DENND6A: variants seen among roughly 807,000 people sequenced by gnomAD.
DENND6A encodes the protein protein DENND6A.
DENND6A carries 43 observed loss-of-function variants against 95.5 expected under a neutral mutation model. The observed-to-expected ratio is 0.45, with a 90% CI of 0.35 to 0.58. The LOEUF is 0.58. DENND6A is among the 20% of genes least tolerant of loss of function. The probability of loss-of-function intolerance (pLI) is 0.00; values close to 1 mark genes in which losing one functional copy is unlikely to be tolerated. For synonymous variants in DENND6A, 257 were observed against 260.4 expected (o/e 0.99, Z 0.13); for missense variants, 574 against 736.0 (o/e 0.78, Z 2.55).
intron 7 of DENND6A, 59 bp downstream of exon 7, chr3:57,660,701 C>A: frequency 1.4e-6 from 2 of 1,470,764 alleles, no homozygotes; most frequent in South Asian, 2.6e-5. Context: ...GCACAAGACC[C>A]TGTCTCAAAA....
chr3:57,661,725 C>A (rs1365939687), intron 5 of DENND6A, among the ~76,000 whole-genome samples, 174 bp from the exon 6 acceptor site: 1 of 152,110 alleles, frequency 6.6e-6, no homozygotes, highest in Non-Finnish European at 1.5e-5. Context: ...AAAAGTTTAA[C>A]CTTATTGCTA....
At chr3:57,630,295 C>G in intron 18 of DENND6A, 126 bp downstream of exon 18, 1 of 771,134 alleles carries the variant, frequency 1.3e-6, no homozygotes, top group Non-Finnish European at 2.0e-6. Flanking sequence ...AGCACATGAT[C>G]TAGAAAAGTT....
At chr3:57,650,605 A>G (rs1482883480) in intron 9 of DENND6A, among the ~76,000 whole-genome samples, 1 of 152,130 alleles carries the variant, frequency 6.6e-6, no homozygotes, top group Non-Finnish European at 1.5e-5. Context: ...GGCTGGTTCT[A>G]GGGCTTGGGA....
chr3:57,638,639 A>C (rs2070854370), intron 12 of DENND6A, among the ~76,000 whole-genome samples: 1 of 152,090 alleles, frequency 6.6e-6, no homozygotes, highest in South Asian at 2.1e-4. Context: ...GCCAGGCAAC[A>C]GGGTGAGACT....
At position 57,633,262 on chromosome 3, in the gene DENND6A, T is replaced by C; in HGVS notation, c.1353+3A>G. ...TTATGCAAAAATTTATTTATTAACT[T>C]ACTAATGGAATGATGAAACTTTGTG... On this transcript the variant is annotated splice_donor_region_variant and intron_variant, in intron 15 of 19. Transcript: ENST00000311128. The C allele has an allele frequency of 6.2e-7, 1 of 1,608,520 alleles. No individual in the cohort carries two copies. Among genetic ancestry groups the C allele is most frequent in the South Asian group, 1.1e-5 (1 of 90,708 alleles).
At chr3:57,663,867 T>C (rs1232717741) in intron 4 of DENND6A, 151 bp from the exon 5 acceptor site, 2 of 420,914 alleles carry the variant, frequency 4.8e-6, no homozygotes, top group Admixed American at 4.4e-5. Flanking sequence ...CTAGTTACGC[T>C]TTTCCAGCAA....
chr3:57,681,226 G>T (rs904778608), intron 1 of DENND6A, among the ~76,000 whole-genome samples: 30 of 152,222 alleles, frequency 2.0e-4, no homozygotes, highest in Non-Finnish European at 8.8e-5. Flanking sequence ...AGCACTTTGG[G>T]AGGCTAAGGC....
intron 14 of DENND6A, among the ~76,000 whole-genome samples, chr3:57,634,355 C>A (rs2070747437): frequency 6.6e-6 from 1 of 150,844 alleles, no homozygotes; most frequent in African/African-American, 2.4e-5. Flanking sequence ...ATCACTTGAA[C>A]CCGGGAGGTG....
rs566736251 is a variant in DENND6A, at chr3:57,662,599, A to G, written c.513+1037T>C. Among the ~76,000 whole-genome samples the G allele has an allele frequency of 3.9e-5, 6 of 152,246 alleles. No individual in the cohort carries two copies. In the South Asian group the frequency reaches 1.2e-3, roughly 32 times the overall value. On this transcript the variant is annotated intron_variant, in intron 5 of 19. Transcript: ENST00000311128. Reference sequence around the variant, plus strand: ...GTTTATTTACTGGCTCTTAAAAAAAATATAATAGTTCAGGCGTTTATTAGT... The same window carrying G: ...GTTTATTTACTGGCTCTTAAAAAAAGTATAATAGTTCAGGCGTTTATTAGT...
At chr3:57,634,434 CA>C (rs60799417) in intron 14 of DENND6A, 123 bp downstream of exon 14, 154,344 of 280,332 alleles carry the variant, frequency 0.55, 29,269 homozygotes, top group Admixed American at 0.7. Context: ...CTCTGTCTCC[CA>C]AAAAAAAAAA....
chr3:57,686,419 C>CT (rs2077212315), intron 1 of DENND6A, among the ~76,000 whole-genome samples: 2 of 152,174 alleles, frequency 1.3e-5, no homozygotes, highest in African/African-American at 4.8e-5. Flanking sequence ...ATTCTTCCTT[C>CT]TCCTTTTATT....
intron 9 of DENND6A, among the ~76,000 whole-genome samples, chr3:57,649,337 C>T (rs1575832092): frequency 6.6e-6 from 1 of 151,884 alleles, no homozygotes; most frequent in East Asian, 1.9e-4. Flanking sequence ...TAGCCATAAT[C>T]AAAAAATCAA....
Position 57,644,429 on chromosome 3 carries a change from A to T in DENND6A, c.1037+1232T>A, listed in dbSNP as rs180831217. On this transcript the variant is annotated intron_variant, in intron 11 of 19. Transcript: ENST00000311128. The stretch of plus-strand genomic sequence containing the variant: ...CAAGCCATCCTCCCACCTCAGCCTC[A>T]TGAGTAGCTGGGACTACAGATGCAT... 8.6e-3 allele frequency among the ~76,000 whole-genome samples: 1,304 copies of T among 151,498 alleles called. 12 individuals carry two copies. The highest frequency in any genetic ancestry group is 0.05 in the South Asian group (242 of 4,800).
chr3:57,667,952 G>A (rs1372500537), intron 3 of DENND6A, among the ~76,000 whole-genome samples: 1 of 151,962 alleles, frequency 6.6e-6, no homozygotes, highest in Non-Finnish European at 1.5e-5. Context: ...TGTAATCCCA[G>A]CTACTCAGGA....
intron 1 of DENND6A, among the ~76,000 whole-genome samples, chr3:57,691,569 C>T (rs1021322223): frequency 2.7e-5 from 4 of 147,506 alleles, no homozygotes; most frequent in South Asian, 2.1e-4. Context: ...AGGCCGAATA[C>T]GAAAGCAGTA....
At chr3:57,634,511 A>G in intron 14 of DENND6A, 47 bp downstream of exon 14, 8 of 1,092,764 alleles carry the variant, frequency 7.3e-6, no homozygotes, top group Non-Finnish European at 1.0e-5. Context: ...TGGATATTAC[A>G]TACCTGAACA....
Position 57,692,867 on chromosome 3 carries a change from C to G in DENND6A, c.152G>C (p.Gly51Ala), listed in dbSNP as rs2077283701. The change falls in exon 1 of 20, where the codon GGC (glycine) becomes GCC (alanine). Residue 51 changes from glycine to alanine, a missense_variant. Physicochemically the swap from Gly to Ala is moderately conservative, Grantham distance 60. Around this residue, in one of 2 missense-constraint regions of DENND6A, gnomAD observed 122 missense variants for 105.1 expected, o/e 1.16. Transcript: ENST00000311128. ...GGAGAAGCTGTCCCAGCGCAGCAGG[C>G]CCCGGCCACGGCCATCGTCCTCTTC... ...DDEEDDGRGRGLLRWDSFSAW... is the reference protein window; with the variant it reads ...DDEEDDGRGRALLRWDSFSAW... 1.9e-6 allele frequency: 3 copies of G among 1,586,316 alleles called. No homozygotes were observed. The highest frequency in any genetic ancestry group is 2.6e-6 in the Non-Finnish European group (3 of 1,170,158).
Position 57,692,770 on chromosome 3 carries a change from G to A in DENND6A, c.237+12C>T. On this transcript the variant is annotated intron_variant, in intron 1 of 19. Coordinates refer to ENST00000311128, the MANE Select transcript of DENND6A (RefSeq NM_152678.3). ...GGGAGGAGCGCCGAGAAAGGGCGGG[G>A]CCGGGCCTCACCTCCACGGCCTGGC... 2 of 1,481,242 alleles carry A rather than the reference G, an allele frequency of 1.4e-6. No individual in the cohort carries two copies. The highest frequency in any genetic ancestry group is 1.8e-6 in the Non-Finnish European group (2 of 1,121,528). The allele number at this position is 1,481,242 out of a possible 1,614,324, so 91.8% of individuals were successfully genotyped here. A position where few individuals can be genotyped will look rare whatever the true frequency, so the allele number is the denominator to read the frequency against.
intron 3 of DENND6A, among the ~76,000 whole-genome samples, chr3:57,668,669 G>C (rs1359304638): frequency 1.3e-5 from 2 of 152,232 alleles, no homozygotes; most frequent in East Asian, 3.9e-4. Flanking sequence ...GGGCGGGGAA[G>C]GGCAAACGAT....
Sources: allele counts gnomAD v4.1 joint callset (sites outside exome capture counted in the v4.1 genomes callset), GRCh38; gene constraint gnomAD v4.1.1; regional missense constraint gnomAD v4.1.1; transcripts MANE v1.5; gene names NCBI Gene and HGNC (gene_info 2026-07-23, HGNC 2026-07-21).